The following GABRB1 variants were observed in gnomAD, a reference collection of about 807,000 sequenced individuals.
GABRB1 encodes the protein gamma-aminobutyric acid receptor subunit beta-1.
A neutral mutation model predicts 51.6 loss-of-function variants in GABRB1; 17 were observed. The observed-to-expected ratio is 0.33, with a 90% CI of 0.23 to 0.49. GABRB1 has a LOEUF of 0.49. Ranked by LOEUF, GABRB1 falls within the 20% of genes least tolerant of loss-of-function variation. The pLI is 0.99. For missense variants in GABRB1, 410 were observed against 600.6 expected, an observed-to-expected ratio of 0.68 and a Z score of 3.32; for synonymous variants, 247 against 218.9, an observed-to-expected ratio of 1.13 and a Z score of -1.14.
intron 5 of GABRB1, among the ~76,000 whole-genome samples, chr4:47,362,449 G>A (rs547928005): frequency 3.3e-4 from 50 of 152,190 alleles, no homozygotes; most frequent in Admixed American, 6.5e-4. Flanking sequence ...CTCAGAATTC[G>A]CCCACATTTC....
chr4:47,325,691 C>T (rs1249142035), intron 5 of GABRB1, among the ~76,000 whole-genome samples: 2 of 152,170 alleles, frequency 1.3e-5, no homozygotes, highest in Non-Finnish European at 1.5e-5. Context: ...CTTTTCCCCA[C>T]CATAGTTCTT....
chr4:47,186,463 G>A (rs1719188002), intron 4 of GABRB1, among the ~76,000 whole-genome samples: 1 of 151,784 alleles, frequency 6.6e-6, no homozygotes, highest in African/African-American at 2.4e-5. Flanking sequence ...CATTAGGGTA[G>A]TCTCAAATGT....
intron 4 of GABRB1, among the ~76,000 whole-genome samples, chr4:47,297,060 A>T (rs1578073134): frequency 6.6e-6 from 1 of 152,256 alleles, no homozygotes. Context: ...TTTGAAACCA[A>T]CAAGAACAAA....
chr4:47,268,132 G>A (rs1333363803), intron 4 of GABRB1, among the ~76,000 whole-genome samples: 1 of 152,114 alleles, frequency 6.6e-6, no homozygotes, highest in Non-Finnish European at 1.5e-5. Flanking sequence ...AAAATTCCAT[G>A]TGTAATAAAT....
At chr4:47,409,571 C>T (rs544484322) in intron 8 of GABRB1, among the ~76,000 whole-genome samples, 14 of 152,250 alleles carry the variant, frequency 9.2e-5, no homozygotes, top group Non-Finnish European at 1.9e-4. Context: ...GCCCAGGATT[C>T]GGGGTTTATA....
At chr4:47,326,156 T>C (rs1725255401) in intron 5 of GABRB1, among the ~76,000 whole-genome samples, 1 of 152,220 alleles carries the variant, frequency 6.6e-6, no homozygotes, top group Non-Finnish European at 1.5e-5. Context: ...GTATATGCTG[T>C]CTATACTTCC....
At chr4:47,346,696 A>G (rs913122193) in intron 5 of GABRB1, among the ~76,000 whole-genome samples, 1 of 152,250 alleles carries the variant, frequency 6.6e-6, no homozygotes, top group Non-Finnish European at 1.5e-5. Context: ...AGAATCAAAG[A>G]CAAAATAACT....
intron 4 of GABRB1, among the ~76,000 whole-genome samples, chr4:47,258,065 C>G (rs1002672617): frequency 1.3e-5 from 2 of 152,122 alleles, no homozygotes; most frequent in African/African-American, 4.8e-5. Flanking sequence ...GGTTGAGAAG[C>G]AGCATTCTAG....
chr4:47,225,592 A>G (rs997695524), intron 4 of GABRB1, among the ~76,000 whole-genome samples: 6 of 152,154 alleles, frequency 3.9e-5, no homozygotes, highest in Admixed American at 3.9e-4. Context: ...CCAGCTAGCT[A>G]TCTCAATCAC....
chr4:47,244,757 C>T (rs552210532), intron 4 of GABRB1, among the ~76,000 whole-genome samples: 93 of 152,138 alleles, frequency 6.1e-4, no homozygotes, highest in African/African-American at 2.1e-3. Flanking sequence ...GGGTAAATGA[C>T]GAAATGAAGG....
At chr4:47,395,967 C>A (rs1728167347) in intron 5 of GABRB1, among the ~76,000 whole-genome samples, 2 of 151,742 alleles carry the variant, frequency 1.3e-5, no homozygotes, top group Admixed American at 6.6e-5. Flanking sequence ...ATAAGAAATT[C>A]CTTGTTCTTC....
chr4:47,273,862 CAT>C (rs1407883527), intron 4 of GABRB1, among the ~76,000 whole-genome samples: 3 of 48,400 alleles, frequency 6.2e-5, no homozygotes, highest in Admixed American at 2.3e-4. Context: ...ACCATATATA[CAT>C]ACACACACAC....
chr4:47,228,529 G>C (rs1721031573), intron 4 of GABRB1, among the ~76,000 whole-genome samples: 1 of 152,018 alleles, frequency 6.6e-6, no homozygotes, highest in African/African-American at 2.4e-5. Flanking sequence ...TTGCATTCTA[G>C]ATTAATAGAT....
At chr4:47,000,173 T>C (rs1474710440) in intron 1 of GABRB1, among the ~76,000 whole-genome samples, 1 of 152,144 alleles carries the variant, frequency 6.6e-6, no homozygotes, top group Non-Finnish European at 1.5e-5. Context: ...CAAATACTCA[T>C]ATAAAATTTA....
intron 2 of GABRB1, 123 bp downstream of exon 2, chr4:47,032,128 G>GCGCACA: frequency 3.4e-6 from 2 of 582,500 alleles, no homozygotes; most frequent in South Asian, 2.0e-5. Flanking sequence ...TATACCCTGG[G>GCGCACA]CACACACACA....
intron 4 of GABRB1, among the ~76,000 whole-genome samples, chr4:47,253,079 A>G (rs1236182308): frequency 6.6e-6 from 1 of 152,234 alleles, no homozygotes; most frequent in Non-Finnish European, 1.5e-5. Context: ...AGGTACAAAG[A>G]GGCTAAATAG....
At chr4:47,271,310 G>A (rs954737163) in intron 4 of GABRB1, among the ~76,000 whole-genome samples, 1 of 152,040 alleles carries the variant, frequency 6.6e-6, no homozygotes, top group African/African-American at 2.4e-5. Context: ...ATAATAAAAG[G>A]TTTATTGCCT....
chr4:47,409,193 G>C (rs1232157534), intron 8 of GABRB1, among the ~76,000 whole-genome samples: 2 of 152,172 alleles, frequency 1.3e-5, no homozygotes, highest in African/African-American at 4.8e-5. Context: ...GCCCCAGTAG[G>C]TGTGTTACAG....
At chr4:47,329,114 A>G (rs1461887907) in intron 5 of GABRB1, among the ~76,000 whole-genome samples, 2 of 152,150 alleles carry the variant, frequency 1.3e-5, no homozygotes, top group Non-Finnish European at 2.9e-5. Context: ...GTTCTATAAA[A>G]GTCTGCCCTT....
Sources: allele counts gnomAD v4.1 joint callset (sites outside exome capture counted in the v4.1 genomes callset), GRCh38; gene constraint gnomAD v4.1.1; transcripts MANE v1.5; gene names NCBI Gene and HGNC (gene_info 2026-07-23, HGNC 2026-07-21).